MYLIP: variants seen among roughly 807,000 people sequenced by gnomAD.
The protein encoded by MYLIP is E3 ubiquitin-protein ligase MYLIP.
MYLIP carries 26 observed loss-of-function variants against 45.8 expected under a neutral mutation model. The ratio of observed to expected loss-of-function variants is 0.57; its 90% confidence interval spans 0.42 to 0.79. MYLIP has a LOEUF of 0.79. Ranked by LOEUF, MYLIP falls within the 30% of genes least tolerant of loss-of-function variation. MYLIP has a pLI of 0.00. For synonymous variants in MYLIP, 213 were observed against 218.1 expected (o/e 0.98, Z 0.21); for missense variants, 494 against 555.6 (o/e 0.89, Z 1.11).
chr6:16,129,523 G>T lies in MYLIP; in HGVS notation c.87+114G>T. 1 of 1,035,638 alleles carries T rather than the reference G, an allele frequency of 9.7e-7. No homozygotes were observed. The highest frequency in any genetic ancestry group is 1.4e-6 in the Non-Finnish European group (1 of 728,120). The allele number at this position is 1,035,638 out of a possible 1,614,324, so 64.2% of individuals were successfully genotyped here. On this transcript the variant is annotated intron_variant, in intron 1 of 6. Coordinates refer to ENST00000356840, the MANE Select transcript of MYLIP (RefSeq NM_013262.4). The surrounding 1 kb of genome is among the most constrained non-coding windows in gnomAD (Gnocchi z 5.1). ...ACTAGGGGCCGGGAGGCACTGCGGC[G>T]GCAGCCGGGGGGAGCGCGTCCCCTC...
chr6:16,146,880 A>G lies in MYLIP; in HGVS notation c.*129A>G. On this transcript the variant is annotated 3_prime_UTR_variant, in exon 7 of 7. Coordinates refer to ENST00000356840, the MANE Select transcript of MYLIP (RefSeq NM_013262.4). Reference sequence around the variant, plus strand: ...GCCATGCGATGTTAAAAAAAAAAAAAAGGAAGAAAAATAACACAGCTACTC... The same window carrying G: ...GCCATGCGATGTTAAAAAAAAAAAAGAGGAAGAAAAATAACACAGCTACTC... 1 of 795,768 alleles carries G rather than the reference A, an allele frequency of 1.3e-6. No homozygotes were observed. The highest frequency in any genetic ancestry group is 1.9e-6 in the Non-Finnish European group (1 of 517,096). The allele number at this position is 795,768 out of a possible 1,614,324, so 49.3% of individuals were successfully genotyped here.
At chr6:16,152,592 C>G (rs1581612519), downstream of MYLIP, among the ~76,000 whole-genome samples, 1 of 152,198 alleles carries the variant, frequency 6.6e-6, no homozygotes, top group Admixed American at 6.5e-5. Flanking sequence ...AAACCCTGGG[C>G]TGCATGGTAC....
the MYLIP span, among the ~76,000 whole-genome samples, chr6:16,153,396 A>G: frequency 2.6e-5 from 4 of 152,086 alleles, no homozygotes; most frequent in African/African-American, 4.8e-5. Flanking sequence ...TATTAAAGCT[A>G]TTTTTCAGTT....
Position 16,129,280 on chromosome 6 carries a change from C to G in MYLIP, c.-43C>G. On this transcript the variant is annotated 5_prime_UTR_variant, in exon 1 of 7. Transcript: ENST00000356840. This position sits in a 1 kb window ranked among gnomAD's most constrained non-coding sequence, Gnocchi z 5.1. The stretch of plus-strand genomic sequence containing the variant: ...AGTGACAAGGCGGCAGCCCCGCGCA[C>G]ACCAAAGAGAAGGCGGCTGTGGCGG... The G allele has an allele frequency of 1.9e-6, 3 of 1,544,598 alleles. No individual in the cohort carries two copies. The highest frequency in any genetic ancestry group is 2.6e-6 in the Non-Finnish European group (3 of 1,142,342).
the MYLIP span, among the ~76,000 whole-genome samples, chr6:16,158,731 G>C: frequency 1.3e-5 from 2 of 152,132 alleles, no homozygotes; most frequent in Non-Finnish European, 2.9e-5. Flanking sequence ...TTAGCCGCGC[G>C]TGGTGGCGGG....
rs990244170 is a variant in MYLIP, at chr6:16,142,250, A to G, written c.464+440A>G. Among the ~76,000 whole-genome samples, 4 of 152,254 alleles carry G rather than the reference A, an allele frequency of 2.6e-5. No homozygotes were observed. In the East Asian group the frequency reaches 7.7e-4, roughly 29 times the overall value. ...CCAATTTAACCAAATATTTTCAAAA[A>G]ATTTGTTAGCCTTTTATTTGAAAAA... On this transcript the variant is annotated intron_variant, in intron 3 of 6. Coordinates refer to ENST00000356840, the MANE Select transcript of MYLIP (RefSeq NM_013262.4).
rs576724339 is a variant in MYLIP, at chr6:16,141,697, G to A, written c.351G>A (p.Val117=). The change falls in exon 3 of 7, where the codon GTG becomes GTA. Residue 117 remains valine (V), a synonymous_variant. Transcript: ENST00000356840. ...TCTTGTGTTCCCCAGAGCAGGCAGT[G>A]GAACTCAGTGCCCTCCTGGCCCAGA... ...GHLLCSPEQA[V]ELSALLAQTK... 1 of 1,614,114 alleles carries A rather than the reference G, an allele frequency of 6.2e-7. No individual in the cohort carries two copies. Among genetic ancestry groups the A allele is most frequent in the South Asian group, 1.1e-5 (1 of 91,078 alleles).
At chr6:16,161,825 A>G in the MYLIP span, among the ~76,000 whole-genome samples, 26 of 152,212 alleles carry the variant, frequency 1.7e-4, no homozygotes, top group South Asian at 6.2e-4. Flanking sequence ...TTACCCCTTT[A>G]TATAGTAAAA....
At chr6:16,143,259 A>G (rs970031706) in intron 4 of MYLIP, 42 bp downstream of exon 4, 4 of 1,570,620 alleles carry the variant, frequency 2.5e-6, no homozygotes, top group Non-Finnish European at 3.5e-6. Flanking sequence ...GCATGTGTAT[A>G]CATCTGTAGC....
At chr6:16,138,035 T>G (rs1191775909) in intron 2 of MYLIP, among the ~76,000 whole-genome samples, 1 of 152,204 alleles carries the variant, frequency 6.6e-6, no homozygotes, top group Non-Finnish European at 1.5e-5. Context: ...GGGTAAAACT[T>G]AAAGAAGAGT....
chr6:16,143,284 A>G (rs1374812670), intron 4 of MYLIP, 67 bp downstream of exon 4: 3 of 1,475,856 alleles, frequency 2.0e-6, no homozygotes, highest in Non-Finnish European at 2.8e-6. Flanking sequence ...AATGTAATAG[A>G]AAATAGGAAG....
In MYLIP at chr6:16,129,489, G is replaced by C. The variant is rs1759409584; in HGVS notation, c.87+80G>C. The C allele has an allele frequency of 7.1e-7, 1 of 1,417,166 alleles. No individual in the cohort carries two copies. The highest frequency in any genetic ancestry group is 1.4e-5 in the African/African-American group (1 of 69,204). The allele number at this position is 1,417,166 out of a possible 1,614,324, so 87.8% of individuals were successfully genotyped here. A position where few individuals can be genotyped will look rare whatever the true frequency, so the allele number is the denominator to read the frequency against. On this transcript the variant is annotated intron_variant, in intron 1 of 6. Transcript: ENST00000356840. This position sits in a 1 kb window ranked among gnomAD's most constrained non-coding sequence, Gnocchi z 5.1. ...TCGCAGCGACGCCTGGCACTCTGGC[G>C]CGCCCCCTACTAGGGGCCGGGAGGC...
chr6:16,157,349 ATG>A, the MYLIP span, among the ~76,000 whole-genome samples: 1 of 152,244 alleles, frequency 6.6e-6, no homozygotes, highest in Non-Finnish European at 1.5e-5. Context: ...AGAGGTGTGT[ATG>A]TGTGTTTCAT....
rs994649206 is a variant in MYLIP at position 16,147,883 on chromosome 6, A to C, written c.*1132A>C. ...ACATGTTTTCCACTCCCACTTGGGC[A>C]TTTTGGAAGCTGGTCAGCTAGCAGG... On this transcript the variant is annotated 3_prime_UTR_variant, in exon 7 of 7. Coordinates refer to ENST00000356840, the MANE Select transcript of MYLIP (RefSeq NM_013262.4). 3 of 152,452 alleles carry C rather than the reference A, an allele frequency of 2.0e-5. No individual in the cohort carries two copies. Among genetic ancestry groups the C allele is most frequent in the African/African-American group, 7.3e-5 (3 of 41,372 alleles). 9.4% of individuals were successfully genotyped at this position (152,452 alleles called of 1,614,324 possible).
At position 16,143,814 on chromosome 6, in the gene MYLIP, G is replaced by T; in HGVS notation, c.778G>T (p.Ala260Ser). The change falls in exon 5 of 7, where the codon GCG becomes TCG. Residue 260 changes from alanine to serine, a missense_variant. Physicochemically the swap from Ala to Ser is moderately conservative, Grantham distance 99 (BLOSUM62 1). Coordinates refer to ENST00000356840, the MANE Select transcript of MYLIP (RefSeq NM_013262.4). ...VLLFKMISTR[A>S]ASGLYRAITE... ...CTTGTTTAAAATGATCAGCACCAGG[G>T]CGGCCAGCGGGCTCTACCGAGCGAT... The T allele has an allele frequency of 3.1e-6, 5 of 1,613,478 alleles. No individual in the cohort carries two copies. The highest frequency in any genetic ancestry group is 4.2e-6 in the Non-Finnish European group (5 of 1,179,894).
At chr6:16,130,175 G>A (rs1362572273) in intron 1 of MYLIP, among the ~76,000 whole-genome samples, 5 of 152,190 alleles carry the variant, frequency 3.3e-5, no homozygotes, top group Non-Finnish European at 7.3e-5. Context: ...AGTCCAAATG[G>A]TTAAAATTGC....
At chr6:16,144,827 T>C (rs1347421314) in intron 5 of MYLIP, 70 bp from the exon 6 acceptor site, 21 of 1,509,280 alleles carry the variant, frequency 1.4e-5, no homozygotes, top group South Asian at 7.7e-5. Flanking sequence ...TCTGTTCTTA[T>C]TGACAACAGC....
rs370365355 is a variant in MYLIP, at chr6:16,145,164, C to T, written c.1095C>T (p.Gly365=). Reference sequence around the variant, plus strand: ...GCATGAACTGCAGCAGCTGCGAGGGCCTCAGCTGCCAGCAGACCCGGGTGC... The same window carrying T: ...GCATGAACTGCAGCAGCTGCGAGGGTCTCAGCTGCCAGCAGACCCGGGTGC... ...ESSMNCSSCE[G]LSCQQTRVLQ... The change falls in exon 6 of 7, where the codon GGC becomes GGT. Residue 365 remains glycine (G), a synonymous_variant. Transcript: ENST00000356840. 9.0e-5 allele frequency: 145 copies of T among 1,614,076 alleles called. No homozygotes were observed. Among genetic ancestry groups the T allele is most frequent in the Non-Finnish European group, 9.8e-5 (116 of 1,180,044 alleles).
downstream of MYLIP, among the ~76,000 whole-genome samples, chr6:16,151,312 G>A (rs115515019): frequency 0.012 from 1,791 of 151,600 alleles, 40 homozygotes; most frequent in African/African-American, 0.041. Flanking sequence ...AGCCGAGATC[G>A]CGCCACTGCA....
Sources: allele counts gnomAD v4.1 joint callset (sites outside exome capture counted in the v4.1 genomes callset), GRCh38; gene constraint gnomAD v4.1.1; non-coding constraint Gnocchi (gnomAD v3.1); transcripts MANE v1.5; gene names NCBI Gene and HGNC (gene_info 2026-07-23, HGNC 2026-07-21).